The following CTNNA2 variants were observed in gnomAD, a reference collection of about 807,000 sequenced individuals.
CTNNA2 encodes catenin alpha 2.
Under a neutral mutation model 101.0 loss-of-function variants are expected in CTNNA2, and 42 were observed. That is an observed-to-expected ratio of 0.42 (90% CI 0.32 to 0.54). The LOEUF (loss-of-function observed/expected upper bound fraction) is 0.54, where lower values mean the gene tolerates loss of function less well. Among genes scored for constraint, CTNNA2 ranks in the 20% least tolerant of loss-of-function variants. The probability of loss-of-function intolerance (pLI) is 0.14; values close to 1 mark genes in which losing one functional copy is unlikely to be tolerated. For synonymous variants in CTNNA2, 450 were observed against 456.4 expected, an observed-to-expected ratio of 0.99 and a Z score of 0.18; for missense variants, 871 against 1,223.1, an observed-to-expected ratio of 0.71 and a Z score of 4.29.
At chr2:79,534,122 G>C (rs895796607) in intron 1 of CTNNA2, among the ~76,000 whole-genome samples, 2 of 151,914 alleles carry the variant, frequency 1.3e-5, no homozygotes, top group African/African-American at 4.8e-5. Context: ...TTTCAGGCTT[G>C]TTTATATTCA....
rs532522507 is a variant in CTNNA2 at position 79,819,060 on chromosome 2, A to G, written c.299-38953A>G. Among the ~76,000 whole-genome samples the G allele has an allele frequency of 6.7e-5, 10 of 149,496 alleles. No homozygotes were observed. The South Asian group carries it at 1.7e-3, about 26-fold the overall frequency. On this transcript the variant is annotated intron_variant, in intron 3 of 18. Coordinates refer to ENST00000402739, the MANE Select transcript of CTNNA2 (RefSeq NM_001282597.3). ...AGTGGTATGATCTCGGTTCACTGCA[A>G]CCCCTGCCTCCCAGGTTCAAGCGAT... is the stretch of plus-strand genomic sequence containing the variant.
chr2:80,043,960 A>G (rs896613565), intron 7 of CTNNA2, among the ~76,000 whole-genome samples: 11 of 152,188 alleles, frequency 7.2e-5, no homozygotes, highest in African/African-American at 2.4e-4. Context: ...ATGTATACAC[A>G]CCCATGTTTG....
chr2:80,029,032 A>T (rs1032034994), intron 7 of CTNNA2, among the ~76,000 whole-genome samples: 15 of 152,224 alleles, frequency 9.9e-5, no homozygotes, highest in Admixed American at 9.8e-4. Flanking sequence ...GCATTCTGCC[A>T]TTATTCTCTG....
chr2:79,436,681 C>G (rs62156995), intron 4 of CTNNA2, among the ~76,000 whole-genome samples: 50,695 of 151,310 alleles, frequency 0.34, 8,632 homozygotes, highest in South Asian at 0.44. Context: ...ACCCAGGCTG[C>G]AGTGCAGTGG....
At chr2:80,563,933 A>C (rs953809936) in intron 12 of CTNNA2, among the ~76,000 whole-genome samples, 3 of 152,098 alleles carry the variant, frequency 2.0e-5, no homozygotes, top group African/African-American at 7.2e-5. Flanking sequence ...TACCTGAGGC[A>C]TGTGTGTATG....
chr2:79,740,394 A>G (rs2104968437), intron 2 of CTNNA2, among the ~76,000 whole-genome samples: 1 of 152,338 alleles, frequency 6.6e-6, no homozygotes, highest in African/African-American at 2.4e-5. Flanking sequence ...ATTGTTACAT[A>G]GGAACCCTAA....
chr2:80,346,458 A>G (rs1373001797), intron 7 of CTNNA2, among the ~76,000 whole-genome samples: 1 of 152,226 alleles, frequency 6.6e-6, no homozygotes, highest in Non-Finnish European at 1.5e-5. Flanking sequence ...GGCACAAGCC[A>G]TTCATGAGGG....
intron 7 of CTNNA2, among the ~76,000 whole-genome samples, chr2:79,945,882 G>T (rs879309543): frequency 9.2e-5 from 14 of 152,222 alleles, no homozygotes; most frequent in South Asian, 4.1e-4. Flanking sequence ...TCATTTTATT[G>T]TGTCATGCTT....
intron 2 of CTNNA2, among the ~76,000 whole-genome samples, chr2:79,198,717 T>C (rs1673994629): frequency 6.6e-6 from 1 of 152,228 alleles, no homozygotes. Flanking sequence ...GAGCTACTAA[T>C]GTCTTAGGCA....
chr2:79,413,322 C>T (rs1034797941), intron 4 of CTNNA2, among the ~76,000 whole-genome samples: 2 of 151,890 alleles, frequency 1.3e-5, no homozygotes, highest in African/African-American at 4.8e-5. Context: ...TCTTTTTGTG[C>T]CTGTCTTATT....
intron 3 of CTNNA2, among the ~76,000 whole-genome samples, chr2:79,837,202 C>A (rs1248138814): frequency 6.6e-6 from 1 of 152,044 alleles, no homozygotes; most frequent in Admixed American, 6.6e-5. Context: ...AGGCAGAGGA[C>A]CAAGGAGAGT....
chr2:80,159,931 A>AT (rs1300408652), intron 7 of CTNNA2, among the ~76,000 whole-genome samples: 91 of 150,310 alleles, frequency 6.1e-4, no homozygotes, highest in Non-Finnish European at 3.8e-4. Context: ...ATATTTTCCT[A>AT]TTTTTTTCTA....
intron 2 of CTNNA2, among the ~76,000 whole-genome samples, chr2:79,200,556 G>A (rs1010630150): frequency 7.9e-5 from 12 of 152,200 alleles, no homozygotes; most frequent in African/African-American, 2.9e-4. Context: ...GGAATTGCAG[G>A]CTATTATAAA....
chr2:80,379,057 T>C (rs956234024), intron 7 of CTNNA2, among the ~76,000 whole-genome samples: 1 of 151,962 alleles, frequency 6.6e-6, no homozygotes, highest in African/African-American at 2.4e-5. Flanking sequence ...TGGGGCATAA[T>C]TACAAGGGAA....
At chr2:79,669,893 T>C (rs994562382) in intron 2 of CTNNA2, among the ~76,000 whole-genome samples, 61 of 152,248 alleles carry the variant, frequency 4.0e-4, no homozygotes, top group African/African-American at 1.3e-3. Flanking sequence ...GCACCAGAAG[T>C]CTCCACTCCT....
chr2:80,528,856 C>G (rs1163045446), intron 9 of CTNNA2, among the ~76,000 whole-genome samples: 1 of 152,106 alleles, frequency 6.6e-6, no homozygotes, highest in Non-Finnish European at 1.5e-5. Context: ...CATTCTCAAA[C>G]TTTGTAGCTC....
chr2:79,259,307 T>C (rs1160645011), intron 2 of CTNNA2, among the ~76,000 whole-genome samples: 1 of 152,130 alleles, frequency 6.6e-6, no homozygotes, highest in Non-Finnish European at 1.5e-5. Flanking sequence ...AACACACACC[T>C]ACTTCCTCAA....
intron 3 of CTNNA2, among the ~76,000 whole-genome samples, chr2:79,773,850 C>T (rs1673769737): frequency 6.6e-6 from 1 of 152,036 alleles, no homozygotes; most frequent in Non-Finnish European, 1.5e-5. Flanking sequence ...TAGATAGATC[C>T]AACACAATCT....
At chr2:79,952,711 C>T (rs1346953773) in intron 7 of CTNNA2, among the ~76,000 whole-genome samples, 1 of 152,160 alleles carries the variant, frequency 6.6e-6, no homozygotes, top group Non-Finnish European at 1.5e-5. Context: ...AACTTGAGAA[C>T]AGGGCTGGCA....
Sources: allele counts gnomAD v4.1 joint callset (sites outside exome capture counted in the v4.1 genomes callset), GRCh38; gene constraint gnomAD v4.1.1; transcripts MANE v1.5; gene names NCBI Gene and HGNC (gene_info 2026-07-23, HGNC 2026-07-21).